CACNA2D3: variants seen among roughly 807,000 people sequenced by gnomAD.
CACNA2D3 encodes calcium voltage-gated channel auxiliary subunit alpha2delta 3, also known as voltage-dependent calcium channel subunit alpha-2/delta-3.
CACNA2D3 carries 60 observed loss-of-function variants against 160.6 expected under a neutral mutation model. The ratio of observed to expected loss-of-function variants is 0.37; its 90% CI spans 0.30 to 0.46. CACNA2D3 has a LOEUF of 0.46. Ranked by LOEUF, CACNA2D3 falls within the 20% of genes least tolerant of loss-of-function variation. CACNA2D3 has a pLI of 1.00. For missense variants in CACNA2D3, 1,205 were observed against 1,365.0 expected (o/e 0.88, Z 1.85); for synonymous variants, 558 against 492.9 (o/e 1.13, Z -1.75).
chr3:54,266,086 T>C (rs1315945922), intron 2 of CACNA2D3, among the ~76,000 whole-genome samples: 2 of 152,198 alleles, frequency 1.3e-5, no homozygotes, highest in Non-Finnish European at 2.9e-5. Flanking sequence ...TGGAAAAAGT[T>C]CTTAGGTCTA....
At chr3:54,306,400 C>T (rs1703602745) in intron 2 of CACNA2D3, among the ~76,000 whole-genome samples, 1 of 152,140 alleles carries the variant, frequency 6.6e-6, no homozygotes, top group Non-Finnish European at 1.5e-5. Flanking sequence ...ATAGAAATGT[C>T]CTTATCTTGA....
chr3:54,124,651 G>T (rs1383679613), intron 2 of CACNA2D3, among the ~76,000 whole-genome samples: 1 of 152,164 alleles, frequency 6.6e-6, no homozygotes, highest in East Asian at 1.9e-4. Flanking sequence ...CATTTTTGGG[G>T]ACAGTATATG....
chr3:54,328,829 A>G (rs1704177654), intron 3 of CACNA2D3, among the ~76,000 whole-genome samples: 1 of 152,122 alleles, frequency 6.6e-6, no homozygotes, highest in African/African-American at 2.4e-5. Context: ...TATCATGGGA[A>G]CAGTCCTGAG....
chr3:54,776,996 A>G (rs562589513), intron 13 of CACNA2D3, among the ~76,000 whole-genome samples: 1 of 152,270 alleles, frequency 6.6e-6, no homozygotes, highest in African/African-American at 2.4e-5. Flanking sequence ...ATGCTTTGAC[A>G]TGGTTTAGAC....
chr3:54,767,961 G>A (rs1009274449), intron 13 of CACNA2D3, among the ~76,000 whole-genome samples: 24 of 152,178 alleles, frequency 1.6e-4, no homozygotes, highest in African/African-American at 5.6e-4. Flanking sequence ...TGGGTGAGAA[G>A]AGTGCAGTGT....
intron 27 of CACNA2D3, among the ~76,000 whole-genome samples, chr3:54,903,093 C>T (rs903018185): frequency 3.3e-5 from 5 of 151,976 alleles, no homozygotes; most frequent in African/African-American, 4.8e-5. Flanking sequence ...TACACGTGCA[C>T]GTTTGTTACA....
chr3:54,918,465 T>C lies in CACNA2D3; in HGVS notation c.2449+18597T>C, dbSNP rs764950747. On this transcript the variant is annotated intron_variant, in intron 27 of 37. Transcript: ENST00000474759. ...CTATTTGAGACAAAAGCTCTCAGGC[T>C]GGTGAGCTGTCAAATCGCTCTTTTT... is the stretch of plus-strand genomic sequence containing the variant. 14 of 1,612,574 alleles carry C rather than the reference T, an allele frequency of 8.7e-6. No individual in the cohort carries two copies. The South Asian group carries it at 1.4e-4, about 16-fold the overall frequency.
intron 31 of CACNA2D3, among the ~76,000 whole-genome samples, chr3:55,000,178 G>A (rs986988172): frequency 3.5e-4 from 54 of 152,160 alleles, no homozygotes; most frequent in African/African-American, 1.1e-3. Context: ...ATGAAAGCAG[G>A]CAATTATCAT....
chr3:55,074,255 T>C lies in CACNA2D3; in HGVS notation c.*49T>C. 6.9e-7 allele frequency: 1 copy of C among 1,459,040 alleles called. No homozygotes were observed. Among genetic ancestry groups the C allele is most frequent in the Non-Finnish European group, 9.6e-7 (1 of 1,037,872 alleles). 90.4% of individuals were successfully genotyped at this position (1,459,040 alleles called of 1,614,324 possible). A position where few individuals can be genotyped will look rare whatever the true frequency, so the allele number is the denominator to read the frequency against. ...TGACTGAGATGTTCTCTTGGCATGC[T>C]AAATCATGGATAAACTGTGAACCAA... On this transcript the variant is annotated 3_prime_UTR_variant, in exon 38 of 38. Transcript: ENST00000474759.
chr3:54,955,914 C>T (rs764317726), intron 27 of CACNA2D3, among the ~76,000 whole-genome samples: 12 of 152,158 alleles, frequency 7.9e-5, no homozygotes, highest in Non-Finnish European at 1.2e-4. Flanking sequence ...TTTCCAGCCT[C>T]GCCATCTGCC....
chr3:54,129,871 C>G (rs1013052329), intron 2 of CACNA2D3, among the ~76,000 whole-genome samples: 1 of 152,204 alleles, frequency 6.6e-6, no homozygotes, highest in Non-Finnish European at 1.5e-5. Flanking sequence ...TGCTGCTCAT[C>G]ACAGAACGTG....
intron 4 of CACNA2D3, among the ~76,000 whole-genome samples, chr3:54,489,206 T>G (rs1438306493): frequency 1.3e-5 from 2 of 152,094 alleles, no homozygotes; most frequent in Non-Finnish European, 2.9e-5. Flanking sequence ...CCTGAAGGAT[T>G]GCATGCTGGG....
intron 35 of CACNA2D3, among the ~76,000 whole-genome samples, chr3:55,051,847 G>A (rs1332349616): frequency 3.3e-5 from 5 of 152,146 alleles, no homozygotes; most frequent in Non-Finnish European, 7.3e-5. Context: ...CGCAGTATTC[G>A]GGTGGGAGTG....
intron 2 of CACNA2D3, among the ~76,000 whole-genome samples, chr3:54,173,186 T>G (rs1250773858): frequency 6.6e-6 from 1 of 152,222 alleles, no homozygotes; most frequent in Non-Finnish European, 1.5e-5. Context: ...AGAAAACTGT[T>G]TAATTTGTTT....
At chr3:54,935,639 G>A (rs977011883) in intron 27 of CACNA2D3, among the ~76,000 whole-genome samples, 13 of 152,220 alleles carry the variant, frequency 8.5e-5, no homozygotes, top group African/African-American at 3.1e-4. Context: ...CACATGAAAT[G>A]AGTGTTTTTT....
intron 8 of CACNA2D3, among the ~76,000 whole-genome samples, chr3:54,580,142 C>T (rs958312358): frequency 5.3e-5 from 8 of 152,062 alleles, no homozygotes. Flanking sequence ...TTTGCCGTGC[C>T]TCAGTTTCCC....
chr3:54,291,857 G>A (rs1317537976), intron 2 of CACNA2D3, among the ~76,000 whole-genome samples: 2 of 152,148 alleles, frequency 1.3e-5, no homozygotes, highest in African/African-American at 4.8e-5. Flanking sequence ...GTAAATTTCT[G>A]TTACGTGCTG....
intron 4 of CACNA2D3, among the ~76,000 whole-genome samples, chr3:54,439,857 C>G (rs146288997): frequency 3.3e-5 from 5 of 152,326 alleles, no homozygotes; most frequent in Non-Finnish European, 7.3e-5. Flanking sequence ...TTTCCCCCTC[C>G]CTGCCCCACA....
At chr3:54,458,465 T>TTTC (rs1368168625) in intron 4 of CACNA2D3, among the ~76,000 whole-genome samples, 3 of 150,282 alleles carry the variant, frequency 2.0e-5, no homozygotes, top group African/African-American at 7.3e-5. Flanking sequence ...TTTTTTTTTT[T>TTTC]CCCTTTTACT....
Sources: allele counts gnomAD v4.1 joint callset (sites outside exome capture counted in the v4.1 genomes callset), GRCh38; gene constraint gnomAD v4.1.1; transcripts MANE v1.5; gene names NCBI Gene and HGNC (gene_info 2026-07-23, HGNC 2026-07-21).